LAMB1: variants seen among roughly 807,000 people sequenced by gnomAD.
The protein encoded by LAMB1 is laminin subunit beta-1.
Under a neutral mutation model 222.3 loss-of-function variants are expected in LAMB1, and 121 were observed. That is an observed-to-expected ratio of 0.54 (90% CI 0.47 to 0.63). LAMB1 has a LOEUF of 0.63. LAMB1 is among the 30% of genes least tolerant of loss of function. The pLI, the probability that LAMB1 is intolerant of heterozygous loss-of-function variation, is 0.00. For missense variants in LAMB1, 2,172 were observed against 2,240.8 expected (o/e 0.97, Z 0.62); for synonymous variants, 794 against 807.2 (o/e 0.98, Z 0.28).
At chr7:107,989,542 C>T (rs771563093) in intron 5 of LAMB1, among the ~76,000 whole-genome samples, 1 of 152,174 alleles carries the variant, frequency 6.6e-6, no homozygotes, top group Non-Finnish European at 1.5e-5. Flanking sequence ...CTTATTCACT[C>T]ACTAGCTGCT....
intron 3 of LAMB1, among the ~76,000 whole-genome samples, chr7:108,001,354 G>A (rs2034378626): frequency 6.6e-6 from 1 of 152,232 alleles, no homozygotes; most frequent in African/African-American, 2.4e-5. Context: ...TACTCACCGC[G>A]CCGGCAGGAA....
chr7:108,000,648 A>G (rs1018231178), intron 3 of LAMB1, among the ~76,000 whole-genome samples: 9 of 152,306 alleles, frequency 5.9e-5, no homozygotes, highest in African/African-American at 2.2e-4. Flanking sequence ...GGCTCAAGTG[A>G]TCCTCCCACC....
At chr7:107,971,535 A>G (rs76328311) in intron 13 of LAMB1, among the ~76,000 whole-genome samples, 236 of 152,316 alleles carry the variant, frequency 1.5e-3, no homozygotes, top group African/African-American at 5.4e-3. Flanking sequence ...AAAACACTCT[A>G]GAGTCACCAG....
In LAMB1 at chr7:107,964,636, A is replaced by T. The variant is rs377472758; in HGVS notation, c.1614T>A (p.Arg538=). ...QCSCRPHMIG[R]QCNEVEPGYY... Reference sequence around the variant, plus strand: ...AACCAGGTTCCACTTCGTTGCACTGACGTCCAATCATGTGAGGCCGGCATG... The same window carrying T: ...AACCAGGTTCCACTTCGTTGCACTGTCGTCCAATCATGTGAGGCCGGCATG... The change falls in exon 14 of 34, where the codon CGT becomes CGA. Residue 538 remains arginine (R), a synonymous_variant. Coordinates refer to ENST00000222399, the MANE Select transcript of LAMB1 (RefSeq NM_002291.3). The T allele has an allele frequency of 6.2e-6, 10 of 1,614,020 alleles. No homozygotes were observed. Among genetic ancestry groups the T allele is most frequent in the Non-Finnish European group, 7.6e-6 (9 of 1,180,026 alleles).
At chr7:107,934,751 T>G (rs1341739350) in intron 27 of LAMB1, among the ~76,000 whole-genome samples, 2 of 152,078 alleles carry the variant, frequency 1.3e-5, no homozygotes, top group African/African-American at 2.4e-5. Flanking sequence ...GTTTTATAAT[T>G]CAAATCAGAA....
chr7:107,962,919 G>A lies in LAMB1; in HGVS notation c.1843C>T (p.Arg615Cys), dbSNP rs1436222151. The A allele has an allele frequency of 1.5e-5, 24 of 1,612,688 alleles. No homozygotes were observed. Among genetic ancestry groups the A allele is most frequent in the East Asian group, 4.5e-5 (2 of 44,860 alleles). The part of the protein sequence containing the change: ...PYSMEYDILI[R>C]YEPQLPDHWE... ...GGTTTCTTTACCTGTGGCTCGTAGC[G>A]AATTAGGATGTCGTACTCCATGGAA... The change falls in exon 15 of 34, where the codon CGC (arginine) becomes TGC (cysteine). Residue 615 changes from arginine to cysteine, a missense_variant. Physicochemically the swap from Arg to Cys is radical, Grantham distance 180 (BLOSUM62 -3). Transcript: ENST00000222399.
chr7:107,977,909 G>T, intron 9 of LAMB1, 138 bp downstream of exon 9: 1 of 850,848 alleles, frequency 1.2e-6, no homozygotes, highest in African/African-American at 1.7e-5. Context: ...GGTTGTCTAG[G>T]AGTATCAGGG....
chr7:107,974,506 A>C (rs1439287760), intron 12 of LAMB1, among the ~76,000 whole-genome samples: 1 of 152,226 alleles, frequency 6.6e-6, no homozygotes, highest in Non-Finnish European at 1.5e-5. Context: ...GATTAATAAA[A>C]GATGCAATGA....
intron 5 of LAMB1, among the ~76,000 whole-genome samples, chr7:107,994,185 G>C (rs894971166): frequency 7.2e-5 from 11 of 152,176 alleles, no homozygotes; most frequent in African/African-American, 2.7e-4. Flanking sequence ...GCCATGTGAA[G>C]CCTGTCATTT....
intron 24 of LAMB1, chr7:107,942,675 A>T (rs1213275785): frequency 6.6e-6 from 1 of 152,230 alleles, no homozygotes; most frequent in East Asian, 1.9e-4. Context: ...TAAAATAATT[A>T]CAAAGTGCTT....
chr7:107,968,441 T>A (rs1341037722), intron 13 of LAMB1, among the ~76,000 whole-genome samples: 3 of 152,178 alleles, frequency 2.0e-5, no homozygotes, highest in Non-Finnish European at 4.4e-5. Context: ...ATCTGTGGGA[T>A]GTTACCTCAT....
At chr7:107,992,155 G>C (rs1057418256) in intron 5 of LAMB1, among the ~76,000 whole-genome samples, 1 of 152,158 alleles carries the variant, frequency 6.6e-6, no homozygotes, top group Non-Finnish European at 1.5e-5. Flanking sequence ...CTCCGGCCAT[G>C]AATGGCCTTT....
intron 5 of LAMB1, among the ~76,000 whole-genome samples, chr7:107,989,407 T>C (rs1243838479): frequency 2.0e-5 from 3 of 152,204 alleles, no homozygotes; most frequent in Non-Finnish European, 4.4e-5. Context: ...TGAGGGTTAA[T>C]GGTGAAAACT....
At chr7:107,937,007 T>C in intron 26 of LAMB1, 86 bp downstream of exon 26, 2 of 1,155,734 alleles carry the variant, frequency 1.7e-6, no homozygotes, top group Non-Finnish European at 2.4e-6. Context: ...AGAAAACTTT[T>C]TTTTTTCCCC....
chr7:107,961,480 G>A (rs889445861), intron 16 of LAMB1, 69 bp downstream of exon 16: 24 of 1,585,136 alleles, frequency 1.5e-5, no homozygotes, highest in Non-Finnish European at 1.8e-5. Flanking sequence ...TTGAAAACTC[G>A]CAAAATATTA....
At chr7:107,997,107 AAT>A (rs1349854623) in intron 4 of LAMB1, among the ~76,000 whole-genome samples, 4 of 152,224 alleles carry the variant, frequency 2.6e-5, no homozygotes, top group East Asian at 1.9e-4. Context: ...CTTAGAAACC[AAT>A]AGTCTAGAAA....
At chr7:107,970,436 C>T (rs1370944498) in intron 13 of LAMB1, among the ~76,000 whole-genome samples, 1 of 123,908 alleles carries the variant, frequency 8.1e-6, no homozygotes, top group Non-Finnish European at 1.6e-5. Context: ...TGCAGTGAGC[C>T]AAGATCAATG....
chr7:107,934,073 T>G (rs939758597), intron 27 of LAMB1, among the ~76,000 whole-genome samples: 1 of 152,202 alleles, frequency 6.6e-6, no homozygotes. Context: ...CTTCATAACT[T>G]TGTCTCCTGT....
chr7:107,992,489 T>C (rs1158373110), intron 5 of LAMB1, among the ~76,000 whole-genome samples: 1 of 152,250 alleles, frequency 6.6e-6, no homozygotes, highest in Non-Finnish European at 1.5e-5. Flanking sequence ...CCACTTATTC[T>C]TTCATTCAGT....
Sources: allele counts gnomAD v4.1 joint callset (sites outside exome capture counted in the v4.1 genomes callset), GRCh38; gene constraint gnomAD v4.1.1; transcripts MANE v1.5; gene names NCBI Gene and HGNC (gene_info 2026-07-23, HGNC 2026-07-21).